The following COL6A5 variants were observed in gnomAD, a reference collection of about 807,000 sequenced individuals.
The protein encoded by COL6A5 is collagen alpha-5(VI) chain.
COL6A5 carries 48 observed loss-of-function variants against 65.6 expected under a neutral mutation model. The observed-to-expected ratio is 0.73, with a 90% CI of 0.58 to 0.93. The LOEUF (loss-of-function observed/expected upper bound fraction) is 0.93. Ranked by LOEUF, COL6A5 falls within the 40% of genes least tolerant of loss-of-function variation. COL6A5 has a pLI of 0.00. For missense variants in COL6A5, 914 were observed against 928.3 expected (o/e 0.98, Z 0.20); for synonymous variants, 291 against 322.8 (o/e 0.90, Z 1.05).
chr3:130,350,314 A>G (rs1934654954), intron 1 of COL6A5, among the ~76,000 whole-genome samples: 1 of 152,218 alleles, frequency 6.6e-6, no homozygotes, highest in South Asian at 2.1e-4. Context: ...AGCCAGGGCA[A>G]TCAGGCAAGA....
At chr3:130,424,616 G>T (rs574832153) in intron 29 of COL6A5, among the ~76,000 whole-genome samples, 7 of 152,186 alleles carry the variant, frequency 4.6e-5, no homozygotes, top group African/African-American at 1.7e-4. Flanking sequence ...AGTATTTTCT[G>T]ATTACTTGAA....
At chr3:130,480,514 G>A (rs558885389) in intron 7 of COL6A5, among the ~76,000 whole-genome samples, 25 of 152,146 alleles carry the variant, frequency 1.6e-4, no homozygotes, top group African/African-American at 5.5e-4. Context: ...TAAACTATCT[G>A]ACATTTAAAC....
chr3:130,403,494 C>A (rs1936881213), intron 12 of COL6A5, 115 bp from the exon 13 acceptor site: 9 of 841,492 alleles, frequency 1.1e-5, no homozygotes, highest in South Asian at 1.7e-5. Context: ...GCCACATCTG[C>A]AGAAACTGCA....
intron 1 of COL6A5, among the ~76,000 whole-genome samples, chr3:130,351,581 T>C (rs544002656): frequency 1.7e-4 from 26 of 152,262 alleles, no homozygotes; most frequent in African/African-American, 5.5e-4. Context: ...GGACATCAGA[T>C]AAATGCAAAT....
chr3:130,440,519 G>A (rs961506214), exon 3 of COL6A5: 1 of 1,613,700 alleles, frequency 6.2e-7, no homozygotes, highest in Non-Finnish European at 8.5e-7. Context: ...AATTGGTCGT[G>A]CCCTACTGTG....
chr3:130,371,386 A>G (rs1308958946), intron 1 of COL6A5, among the ~76,000 whole-genome samples: 2 of 152,164 alleles, frequency 1.3e-5, no homozygotes, highest in African/African-American at 2.4e-5. Flanking sequence ...TTGAAAAAGA[A>G]CAAAGTTGAA....
At chr3:130,433,992 G>C (rs1937932799) in intron 1 of COL6A5, among the ~76,000 whole-genome samples, 1 of 151,154 alleles carries the variant, frequency 6.6e-6, no homozygotes, top group Non-Finnish European at 1.5e-5. Context: ...AAAAAAACAG[G>C]ATACATGTGC....
chr3:130,416,204 G>GA (rs1206985576), intron 23 of COL6A5, among the ~76,000 whole-genome samples: 13 of 152,048 alleles, frequency 8.5e-5, no homozygotes, highest in Non-Finnish European at 1.8e-4. Context: ...GGATGTGTAG[G>GA]AAAAATGTTC....
At chr3:130,388,598 C>A in exon 6 of COL6A5, 1 of 1,544,150 alleles carries the variant, frequency 6.5e-7, no homozygotes, top group East Asian at 2.4e-5. Flanking sequence ...GACATGAAGG[C>A]CGACATCATG....
intron 25 of COL6A5, among the ~76,000 whole-genome samples, chr3:130,420,242 A>G (rs1344168795): frequency 6.6e-6 from 1 of 151,780 alleles, no homozygotes; most frequent in Non-Finnish European, 1.5e-5. Context: ...AGAAAAGGAA[A>G]ATTACTTATA....
At chr3:130,382,533 A>G (rs1936035061) in intron 4 of COL6A5, among the ~76,000 whole-genome samples, 2 of 152,170 alleles carry the variant, frequency 1.3e-5, no homozygotes, top group Non-Finnish European at 2.9e-5. Flanking sequence ...GCATCACTCT[A>G]AAACTACTGA....
chr3:130,472,856 T>TATATATATATAC (rs752157374), intron 7 of COL6A5, among the ~76,000 whole-genome samples: 64 of 143,358 alleles, frequency 4.5e-4, no homozygotes, highest in Middle Eastern at 3.7e-3. Context: ...TATATATATA[T>TATATATATATAC]ATACACATTT....
At chr3:130,391,344 A>G (rs1210439641) in exon 7 of COL6A5, 1 of 1,551,740 alleles carries the variant, frequency 6.4e-7, no homozygotes. Context: ...TACTCTGACC[A>G]ACCTAACATC....
At chr3:130,454,511 C>T (rs1709520107) in intron 4 of COL6A5, among the ~76,000 whole-genome samples, 1 of 152,134 alleles carries the variant, frequency 6.6e-6, no homozygotes, top group Non-Finnish European at 1.5e-5. Context: ...TACTGGATGC[C>T]AAACATCAGT....
Position 130,479,122 on chromosome 3 carries a change from T to C in COL6A5, c.2329-4913T>C, listed in dbSNP as rs377128138. 2.8e-4 allele frequency among the ~76,000 whole-genome samples: 42 copies of C among 152,024 alleles called. 1 individual carries two copies. The highest frequency in any genetic ancestry group is 1.9e-3 in the East Asian group (10 of 5,172). On this transcript the variant is annotated intron_variant, in intron 7 of 7. Coordinates refer to ENST00000512836, the Ensembl canonical transcript of COL6A5. ...ATGGTATTAGGAGGTAGGATATTTG[T>C]GATTAAGTCGTGGGGGTGGATCCCT...
At chr3:130,356,939 G>A (rs1032377655) in intron 1 of COL6A5, among the ~76,000 whole-genome samples, 11 of 152,040 alleles carry the variant, frequency 7.2e-5, no homozygotes, top group Non-Finnish European at 1.5e-4. Flanking sequence ...CAAGTTAGGG[G>A]TAAAGCAAAA....
chr3:130,397,627 G>A, exon 9 of COL6A5: 2 of 1,551,396 alleles, frequency 1.3e-6, no homozygotes, highest in Non-Finnish European at 8.7e-7. Context: ...CTCCACTCAT[G>A]TGCAGGGGCA....
At chr3:130,386,042 G>GT (rs956779541) in intron 5 of COL6A5, among the ~76,000 whole-genome samples, 5 of 151,914 alleles carry the variant, frequency 3.3e-5, no homozygotes, top group African/African-American at 1.2e-4. Context: ...ATATCTGGTT[G>GT]TTTTTTTATT....
intron 29 of COL6A5, among the ~76,000 whole-genome samples, chr3:130,425,786 T>C (rs1298683104): frequency 6.6e-6 from 1 of 152,196 alleles, no homozygotes; most frequent in Non-Finnish European, 1.5e-5. Context: ...TTTACACTCT[T>C]GATGCGTAAT....
Sources: gnomAD v4.1 joint callset for allele counts (sites outside exome capture counted in the v4.1 genomes callset) on GRCh38, gnomAD v4.1.1 for gene constraint, MANE v1.5 for transcripts, NCBI Gene and HGNC (gene_info 2026-07-23, HGNC 2026-07-21) for gene names.